The following APOB variants were observed in gnomAD, a reference collection of about 807,000 sequenced individuals.
The protein encoded by APOB is apolipoprotein B.
APOB carries 153 observed loss-of-function variants against 314.1 expected under a neutral mutation model. The ratio of observed to expected loss-of-function variants is 0.49; its 90% CI spans 0.43 to 0.56. The LOEUF (loss-of-function observed/expected upper bound fraction) is 0.56, where lower values mean the gene tolerates loss of function less well. Ranked by LOEUF, APOB falls within the 20% of genes least tolerant of loss-of-function variation. The pLI is 0.00. For synonymous variants in APOB, 2,087 were observed against 2,036.4 expected (o/e 1.02, Z -0.67); for missense variants, 5,430 against 5,350.7 (o/e 1.01, Z -0.46).
chr2:21,042,508 G>A, intron 2 of APOB, 32 bp from the exon 3 acceptor site: 2 of 1,549,542 alleles, frequency 1.3e-6, no homozygotes, highest in Non-Finnish European at 1.8e-6. Flanking sequence ...CAGCCACATA[G>A]CAGAAATAGC....
Position 21,024,941 on chromosome 2 carries a change from G to T in APOB, c.2428C>A (p.Pro810Thr). ...GGGGCCTGCTGACTTACCATCTGGG[G>T]GATCCCCTGCAGAGTGCGGGCACCC... is the stretch of plus-strand genomic sequence containing the variant. Reference protein sequence around the residue: ...LMGARTLQGIPQMIGEVIRKG... With the variant: ...LMGARTLQGITQMIGEVIRKG... Residue 810 changes from proline (P) to threonine (T), a missense_variant, in exon 16 of 29, where the codon CCC becomes ACC. Transcript: ENST00000233242. The T allele has an allele frequency of 6.2e-7, 1 of 1,614,022 alleles. No individual in the cohort carries two copies. The highest frequency in any genetic ancestry group is 8.5e-7 in the Non-Finnish European group (1 of 1,179,990).
In APOB at chr2:21,006,503, A is replaced by G. The variant is rs1253314866; in HGVS notation, c.10365T>C (p.Ser3455=). 2 of 1,613,532 alleles carry G rather than the reference A, an allele frequency of 1.2e-6. No individual in the cohort carries two copies. The highest frequency in any genetic ancestry group is 1.7e-5 in the Admixed American group (1 of 60,020). ...AATCATACTTAAATTCCATGGAGGA[A>G]GAGACAGTAGGTTTTGACTTGGTAT... ...NGNTKSKPTV[S]SSMEFKYDFN... is the part of the protein sequence containing the mutation. Residue 3455 remains serine, a synonymous_variant, in exon 26 of 29, where the codon TCT becomes TCC. Transcript: ENST00000233242.
At chr2:21,028,625 C>G (rs1572796433) in intron 12 of APOB, 87 bp from the exon 13 acceptor site, 1 of 897,432 alleles carries the variant, frequency 1.1e-6, no homozygotes, top group Non-Finnish European at 1.8e-6. Context: ...TCTGCTAGCT[C>G]TTTCTTAAGC....
At chr2:21,020,683 G>T (rs1663585124) in intron 18 of APOB, among the ~76,000 whole-genome samples, 1 of 152,128 alleles carries the variant, frequency 6.6e-6, no homozygotes, top group Non-Finnish European at 1.5e-5. Context: ...GTTCAACATT[G>T]GCCTGGTTTT....
chr2:21,009,721 G>C lies in APOB; in HGVS notation c.7147C>G (p.Gln2383Glu), dbSNP rs1663251841. The change falls in exon 26 of 29, where the codon CAA becomes GAA. Residue 2383 changes from glutamine (Q) to glutamate (E), a missense_variant. Physicochemically the swap from Gln to Glu is conservative, Grantham distance 29 (BLOSUM62 2). Around this residue, in one of 3 missense-constraint regions of APOB, gnomAD observed 3,281 missense variants for 3,171.0 expected, o/e 1.03. Transcript: ENST00000233242. ...TIQKLSNVLQQVKIKDYFEKL... is the reference protein window; with the variant it reads ...TIQKLSNVLQEVKIKDYFEKL... Reference sequence around the variant, plus strand: ...TCAAAGTAATCTTTTATCTTAACTTGTTGTAGGACATTGCTTAGCTTCTGA... The same window carrying C: ...TCAAAGTAATCTTTTATCTTAACTTCTTGTAGGACATTGCTTAGCTTCTGA... The C allele has an allele frequency of 6.2e-7, 1 of 1,613,696 alleles. No individual in the cohort carries two copies. The highest frequency in any genetic ancestry group is 8.5e-7 in the Non-Finnish European group (1 of 1,179,836).
Position 21,024,973 on chromosome 2 carries a change from A to G in APOB, c.2396T>C (p.Leu799Pro), listed in dbSNP as rs1663696825. ...CTGCAGAGTGCGGGCACCCATCAGAAGCAGCTTTCCCAGGAGCTGGAGGTC... is the reference window on the plus strand; with the variant it reads ...CTGCAGAGTGCGGGCACCCATCAGAGGCAGCTTTCCCAGGAGCTGGAGGTC... ...LHDLQLLGKL[L>P]LMGARTLQGI... Residue 799 changes from leucine (L) to proline (P), a missense_variant, in exon 16 of 29, where the codon CTT becomes CCT. Transcript: ENST00000233242. 4 of 1,614,040 alleles carry G rather than the reference A, an allele frequency of 2.5e-6. No homozygotes were observed. The highest frequency in any genetic ancestry group is 1.7e-6 in the Non-Finnish European group (2 of 1,180,038).
chr2:21,039,882 T>C (rs1304301475), intron 4 of APOB, among the ~76,000 whole-genome samples: 2 of 152,170 alleles, frequency 1.3e-5, no homozygotes, highest in Non-Finnish European at 2.9e-5. Flanking sequence ...ACAGCCTATT[T>C]TGGCAAGAAA....
In APOB at chr2:21,013,386, C is replaced by A. The variant is rs1663384832; in HGVS notation, c.3990G>T (p.Leu1330=). Residue 1330 remains leucine (L), a synonymous_variant, in exon 25 of 29, where the codon CTG becomes CTT. Coordinates refer to ENST00000233242, the MANE Select transcript of APOB (RefSeq NM_000384.3). ...ALHFKSVGFH[L]PSREFQVPTF... ...TAGGGACTTGGAACTCTCGAGATGG[C>A]AGATGGAATCCCACAGACTTGAAGT... The A allele has an allele frequency of 6.2e-7, 1 of 1,614,076 alleles. No homozygotes were observed. Among genetic ancestry groups the A allele is most frequent in the Admixed American group, 1.7e-5 (1 of 60,002 alleles).
In APOB at chr2:21,010,754, A is replaced by C; in HGVS notation, c.6114T>G (p.Asp2038Glu). The stretch of plus-strand genomic sequence containing the variant: ...CAACGGCATCTCTCATCTCTAAAGC[A>C]TCAATGATATTGATGGGCTCACTGA... ...LLLSEPINIIDALEMRDAVEK... is the reference protein window; with the variant it reads ...LLLSEPINIIEALEMRDAVEK... The change falls in exon 26 of 29, where the codon GAT (aspartate) becomes GAG (glutamate). Residue 2038 changes from aspartate to glutamate, a missense_variant. Transcript: ENST00000233242. 6.2e-7 allele frequency: 1 copy of C among 1,614,188 alleles called. No individual in the cohort carries two copies. Among genetic ancestry groups the C allele is most frequent in the South Asian group, 1.1e-5 (1 of 91,078 alleles).
rs536328155 is a variant in APOB at position 21,025,043 on chromosome 2, A to G, written c.2326T>C (p.Tyr776His). ...KSKEVPEARAYLRILGEELGF... is the reference protein window; with the variant it reads ...KSKEVPEARAHLRILGEELGF... ...AGCTCCTCTCCCAAGATGCGGAGGTAGGCTCTGGCTTCCGGGACTTCTTTG... is the reference window on the plus strand; with the variant it reads ...AGCTCCTCTCCCAAGATGCGGAGGTGGGCTCTGGCTTCCGGGACTTCTTTG... Residue 776 changes from tyrosine to histidine, a missense_variant, in exon 16 of 29, where the codon TAC becomes CAC. Transcript: ENST00000233242. 3.7e-6 allele frequency: 6 copies of G among 1,614,264 alleles called. No individual in the cohort carries two copies. The South Asian group carries it at 5.5e-5, about 15-fold the overall frequency.
chr2:21,004,946 T>C (rs1450875135), intron 26 of APOB, 134 bp downstream of exon 26: 1 of 1,232,970 alleles, frequency 8.1e-7, no homozygotes. Flanking sequence ...GGTATACATG[T>C]ATCTCTTTTC....
In APOB at chr2:21,026,966, T is replaced by A; in HGVS notation, c.2068-2A>T. The A allele has an allele frequency of 6.2e-7, 1 of 1,614,166 alleles. No individual in the cohort carries two copies. The highest frequency in any genetic ancestry group is 8.5e-7 in the Non-Finnish European group (1 of 1,180,026). On this transcript the variant is annotated splice_acceptor_variant, in intron 14 of 28. Transcript: ENST00000233242. LOFTEE classifies it high-confidence loss of function. ...AAAGCCTTTTCCTTCCAAGCCAATC[T>A]GAGAAAGAAAATCAGACAAGAAAAT...
chr2:21,001,677 T>C lies in APOB; in HGVS notation c.*53A>G, dbSNP rs1333630650. 5.7e-6 allele frequency: 9 copies of C among 1,580,636 alleles called. No individual in the cohort carries two copies. Among genetic ancestry groups the C allele is most frequent in the African/African-American group, 2.7e-5 (2 of 74,062 alleles). The stretch of plus-strand genomic sequence containing the variant: ...TAGGCAGTTTGAATTTTTTCTGTGC[T>C]ATGTGAAAGTTCAATTGGAAAAGAA... On this transcript the variant is annotated 3_prime_UTR_variant, in exon 29 of 29. Transcript: ENST00000233242.
chr2:21,035,084 C>T (rs1310763493), intron 7 of APOB, among the ~76,000 whole-genome samples, 183 bp from the exon 8 acceptor site: 1 of 152,180 alleles, frequency 6.6e-6, no homozygotes, highest in Non-Finnish European at 1.5e-5. Flanking sequence ...GCTAGTTATC[C>T]TCCCATCAAA....
intron 20 of APOB, among the ~76,000 whole-genome samples, chr2:21,016,983 C>G (rs1265632912): frequency 9.6e-6 from 1 of 104,382 alleles, no homozygotes; most frequent in African/African-American, 4.3e-5. Context: ...GACTCCATCT[C>G]AAAAAATAAA....
At position 21,004,277 on chromosome 2, in the gene APOB, T is replaced by C. The variant is rs1176290647; in HGVS notation, c.12079A>G (p.Ser4027Gly). The C allele has an allele frequency of 1.2e-6, 2 of 1,613,934 alleles. No homozygotes were observed. Among genetic ancestry groups the C allele is most frequent in the East Asian group, 2.2e-5 (1 of 44,872 alleles). ...CATTAGGTGGTATTTACCTGAGGGC[T>C]GTAGTAGAAGTTCCATTTAGAAAAG... ...DDFSKWNFYYSPQSSPDKKLT... is the reference protein window; with the variant it reads ...DDFSKWNFYYGPQSSPDKKLT... Residue 4027 changes from serine (S) to glycine (G), a missense_variant, in exon 28 of 29, where the codon AGC becomes GGC. By Grantham distance (56) the Ser-to-Gly change is moderately conservative. Transcript: ENST00000233242.
chr2:21,011,669 T>C lies in APOB; in HGVS notation c.5199A>G (p.Gln1733=). 6.2e-7 allele frequency: 1 copy of C among 1,614,216 alleles called. No homozygotes were observed. The highest frequency in any genetic ancestry group is 8.5e-7 in the Non-Finnish European group (1 of 1,180,036). Residue 1733 remains glutamine, a synonymous_variant, in exon 26 of 29, where the codon CAA becomes CAG. Transcript: ENST00000233242. ...SKNIFNFKVS[Q]EGLKLSNDMM... is the part of the protein sequence containing the mutation. ...TGTCATTTGAGAGCTTAAGTCCTTC[T>C]TGACTGACCTTGAAGTTGAAAATGT... is the stretch of plus-strand genomic sequence containing the variant.
Position 21,006,888 on chromosome 2 carries a change from C to T in APOB, c.9980G>A (p.Ser3327Asn). The change falls in exon 26 of 29, where the codon AGC becomes AAC. Residue 3327 changes from serine (S) to asparagine (N), a missense_variant. Coordinates refer to ENST00000233242, the MANE Select transcript of APOB (RefSeq NM_000384.3). ...LPDFKELCTI[S>N]HIFIPAMGNI... Reference sequence around the variant, plus strand: ...GCCCATGGCAGGAATAAAAATATGGCTTATGGTACACAATTCCTTGAAATC... The same window carrying T: ...GCCCATGGCAGGAATAAAAATATGGTTTATGGTACACAATTCCTTGAAATC... 6.2e-7 allele frequency: 1 copy of T among 1,614,040 alleles called. No individual in the cohort carries two copies. Among genetic ancestry groups the T allele is most frequent in the Non-Finnish European group, 8.5e-7 (1 of 1,179,950 alleles).
rs2103349616 is a variant in APOB at position 21,004,458 on chromosome 2, A to G, written c.11904-6T>C. ...GCGCTTTTCCTTCCCATTCCCTGAA[A>G]GCAGAAAAACAGATGAGCTATCACG... On this transcript the variant is annotated splice_region_variant and splice_polypyrimidine_tract_variant and intron_variant, in intron 27 of 28. Transcript: ENST00000233242. 4 of 1,614,038 alleles carry G rather than the reference A, an allele frequency of 2.5e-6. No homozygotes were observed. Among genetic ancestry groups the G allele is most frequent in the Non-Finnish European group, 3.4e-6 (4 of 1,179,912 alleles).
Sources: allele counts gnomAD v4.1 joint callset (sites outside exome capture counted in the v4.1 genomes callset), GRCh38; gene constraint gnomAD v4.1.1; regional missense constraint gnomAD v4.1.1; transcripts MANE v1.5; gene names NCBI Gene and HGNC (gene_info 2026-07-23, HGNC 2026-07-21).